The following TP63 variants were observed in gnomAD, a reference collection of about 807,000 sequenced individuals.
TP63 encodes tumor protein 63.
Under a neutral mutation model 82.8 loss-of-function variants are expected in TP63, and 17 were observed. That is an observed-to-expected ratio of 0.21 (90% CI 0.14 to 0.31). The LOEUF (loss-of-function observed/expected upper bound fraction) is 0.31, where lower values mean the gene tolerates loss of function less well. TP63 is among the 10% of genes least tolerant of loss of function. The pLI is 1.00. For synonymous variants in TP63, 330 were observed against 321.7 expected, an observed-to-expected ratio of 1.03 and a Z score of -0.28; for missense variants, 648 against 895.3, an observed-to-expected ratio of 0.72 and a Z score of 3.52.
intron 4 of TP63, among the ~76,000 whole-genome samples, chr3:189,813,861 T>C (rs1034683961): frequency 6.6e-6 from 1 of 152,212 alleles, no homozygotes; most frequent in African/African-American, 2.4e-5. Context: ...CTGACTCTGA[T>C]TGTTAACTGC....
chr3:189,605,975 C>T, the TP63 span, among the ~76,000 whole-genome samples: 175 of 152,268 alleles, frequency 1.1e-3, no homozygotes, highest in African/African-American at 4.1e-3. Flanking sequence ...GGGATATCTT[C>T]CTGCCATAAC....
At chr3:189,843,618 T>G (rs1201976586) in intron 4 of TP63, among the ~76,000 whole-genome samples, 1 of 152,228 alleles carries the variant, frequency 6.6e-6, no homozygotes, top group Non-Finnish European at 1.5e-5. Context: ...TGCGTCTGCC[T>G]GATCATTGTG....
chr3:189,857,654 C>T (rs74759429), intron 4 of TP63, among the ~76,000 whole-genome samples: 2,816 of 152,252 alleles, frequency 0.018, 86 homozygotes, highest in African/African-American at 0.064. Context: ...AGCAACCTAA[C>T]TGACAAATTA....
intron 3 of TP63, among the ~76,000 whole-genome samples, chr3:189,761,873 C>G (rs375646269): frequency 7.2e-5 from 11 of 152,200 alleles, no homozygotes; most frequent in Non-Finnish European, 1.6e-4. Context: ...ATGTGGATGG[C>G]AGCAGGCAGA....
chr3:189,600,551 A>G, the TP63 span, among the ~76,000 whole-genome samples: 1 of 152,220 alleles, frequency 6.6e-6, no homozygotes, highest in Non-Finnish European at 1.5e-5. Context: ...AGTAAGTATC[A>G]GAGGTGAAAG....
At chr3:189,808,979 AAAT>A (rs1296947072) in intron 4 of TP63, among the ~76,000 whole-genome samples, 6 of 152,102 alleles carry the variant, frequency 3.9e-5, no homozygotes, top group African/African-American at 1.2e-4. Context: ...AAAATTAAGA[AAAT>A]AAAATCCCAT....
At chr3:189,641,997 G>A (rs61103241) in intron 1 of TP63, among the ~76,000 whole-genome samples, 1,723 of 152,274 alleles carry the variant, frequency 0.011, 38 homozygotes, top group African/African-American at 0.039. Flanking sequence ...CTGACCCAAA[G>A]ATTTTACTGC....
At chr3:189,619,170 T>A in the TP63 span, among the ~76,000 whole-genome samples, 5 of 152,168 alleles carry the variant, frequency 3.3e-5, no homozygotes, top group Non-Finnish European at 7.3e-5. Flanking sequence ...GACCAGTACG[T>A]CTTCAGCTGA....
chr3:189,683,446 T>C (rs937261929), intron 1 of TP63, among the ~76,000 whole-genome samples: 2 of 152,212 alleles, frequency 1.3e-5, no homozygotes, highest in Non-Finnish European at 2.9e-5. Flanking sequence ...GATAATAATT[T>C]ATAACATATG....
chr3:189,644,058 G>T (rs79655809), intron 1 of TP63, among the ~76,000 whole-genome samples: 1 of 152,118 alleles, frequency 6.6e-6, no homozygotes, highest in African/African-American at 2.4e-5. Context: ...CCACAATGTT[G>T]TCTTACAGTC....
intron 3 of TP63, among the ~76,000 whole-genome samples, chr3:189,745,604 G>A (rs1334918642): frequency 6.6e-6 from 1 of 150,932 alleles, no homozygotes; most frequent in Non-Finnish European, 1.5e-5. Flanking sequence ...CTACTCGGGA[G>A]GCTGAGATAG....
chr3:189,863,838 G>A lies in TP63; in HGVS notation c.580-394G>A, dbSNP rs112725332. Among the ~76,000 whole-genome samples the A allele has an allele frequency of 7.1e-3, 1,082 of 152,230 alleles. 11 individuals are homozygous for A. The highest frequency in any genetic ancestry group is 0.024 in the African/African-American group (991 of 41,530). On this transcript the variant is annotated intron_variant, in intron 4 of 13. Coordinates refer to ENST00000264731, the MANE Select transcript of TP63 (RefSeq NM_003722.5). ...GTAATCTAGGCAGAAATCTGTCTTT[G>A]TGGTTGTTGTTTAATATCACTCAGT...
intron 4 of TP63, among the ~76,000 whole-genome samples, chr3:189,850,692 C>T (rs1392167683): frequency 2.0e-5 from 3 of 151,776 alleles, no homozygotes; most frequent in Non-Finnish European, 4.4e-5. Flanking sequence ...CAAACCTGCA[C>T]GTTGTGCACA....
chr3:189,700,253 C>A (rs927038305), intron 1 of TP63, among the ~76,000 whole-genome samples: 1 of 152,062 alleles, frequency 6.6e-6, no homozygotes, highest in Non-Finnish European at 1.5e-5. Flanking sequence ...AGAGGAAAAG[C>A]CAGCAGGATG....
chr3:189,652,605 G>A (rs1439735407), intron 1 of TP63, among the ~76,000 whole-genome samples: 1 of 146,756 alleles, frequency 6.8e-6, no homozygotes, highest in Non-Finnish European at 1.5e-5. Context: ...AGTCATGATT[G>A]TGTTTTGAAT....
the TP63 span, among the ~76,000 whole-genome samples, chr3:189,605,128 C>G: frequency 6.6e-6 from 1 of 152,202 alleles, no homozygotes; most frequent in Admixed American, 6.5e-5. Context: ...GAAAAAAGGC[C>G]TGTGTCCTTC....
chr3:189,694,308 G>T (rs78424069), intron 1 of TP63, among the ~76,000 whole-genome samples: 1,582 of 152,222 alleles, frequency 0.01, 33 homozygotes, highest in African/African-American at 0.036. Context: ...CACAACGAAT[G>T]AACTAATAGT....
intron 10 of TP63, chr3:189,881,361 C>T: frequency 1.0e-6 from 1 of 985,004 alleles, no homozygotes; most frequent in South Asian, 4.7e-5. Flanking sequence ...TAAAAATGTT[C>T]CTCCCCTCCA....
chr3:189,607,339 G>C, the TP63 span, among the ~76,000 whole-genome samples: 1 of 152,162 alleles, frequency 6.6e-6, no homozygotes, highest in South Asian at 2.1e-4. Flanking sequence ...CATAGAAGCT[G>C]AATGAAGAAA....
Sources: allele counts gnomAD v4.1 joint callset (sites outside exome capture counted in the v4.1 genomes callset), GRCh38; gene constraint gnomAD v4.1.1; transcripts MANE v1.5; gene names NCBI Gene and HGNC (gene_info 2026-07-23, HGNC 2026-07-21).